LYAR: variants seen among roughly 807,000 people sequenced by gnomAD.
LYAR encodes the protein cell growth-regulating nucleolar protein.
A neutral mutation model predicts 45.2 loss-of-function variants in LYAR; 37 were observed. That is an observed-to-expected ratio of 0.82 (90% CI 0.63 to 1.08). The LOEUF is 1.08. Among genes scored for constraint, LYAR ranks in the 50% least tolerant of loss-of-function variants. The pLI, the probability that LYAR is intolerant of heterozygous loss-of-function variation, is 0.00. For synonymous variants in LYAR, 176 were observed against 155.1 expected (o/e 1.14, Z -1.00); for missense variants, 493 against 451.0 (o/e 1.09, Z -0.84).
chr4:4,286,234 A>G (rs1719606066), intron 2 of LYAR, among the ~76,000 whole-genome samples: 1 of 152,204 alleles, frequency 6.6e-6, no homozygotes, highest in African/African-American at 2.4e-5. Context: ...AGGACAGTCC[A>G]GCACCTTGAT....
At chr4:4,289,235 C>G (rs1368871048) in intron 1 of LYAR, among the ~76,000 whole-genome samples, 1 of 152,174 alleles carries the variant, frequency 6.6e-6, no homozygotes, top group Non-Finnish European at 1.5e-5. Flanking sequence ...GAAGCCATTT[C>G]TCTCTGCCTC....
chr4:4,276,672 C>G (rs1181059276), intron 6 of LYAR, among the ~76,000 whole-genome samples: 1 of 151,960 alleles, frequency 6.6e-6, no homozygotes, highest in Non-Finnish European at 1.5e-5. Context: ...GCCTGGCCAA[C>G]ATGGTGAAAC....
Position 4,277,961 on chromosome 4 carries a change from C to T in LYAR, c.429+1486G>A, listed in dbSNP as rs144559302. Among the ~76,000 whole-genome samples, 1,157 of 152,308 alleles carry T rather than the reference C, an allele frequency of 7.6e-3. 3 individuals are homozygous for T. Among genetic ancestry groups the T allele is most frequent in the African/African-American group, 9.7e-3 (403 of 41,560 alleles). ...AGGTAAGGGATGACAAGCTGCGTTTCGCAGAGCTCAGGGTTTACCAGGGGC... is the reference window on the plus strand; with the variant it reads ...AGGTAAGGGATGACAAGCTGCGTTTTGCAGAGCTCAGGGTTTACCAGGGGC... On this transcript the variant is annotated intron_variant, in intron 6 of 9. Transcript: ENST00000343470.
chr4:4,280,606 CG>C lies in LYAR; in HGVS notation c.238-858del, dbSNP rs370537163. 3.7e-3 allele frequency among the ~76,000 whole-genome samples: 568 copies of C among 152,274 alleles called. 2 individuals are homozygous for C. Among genetic ancestry groups the C allele is most frequent in the African/African-American group, 0.013 (536 of 41,542 alleles). ...TCATCGAGTGTGACAGCAGCAGAGA[CG>C]GAACTCACAGACCCATGCACCTCAA... On this transcript the variant is annotated intron_variant, in intron 4 of 9. Coordinates refer to ENST00000343470, the MANE Select transcript of LYAR (RefSeq NM_017816.3).
intron 6 of LYAR, among the ~76,000 whole-genome samples, chr4:4,277,859 G>A (rs1333451313): frequency 1.3e-5 from 2 of 152,190 alleles, no homozygotes; most frequent in South Asian, 2.1e-4. Flanking sequence ...ACCAAGGTAC[G>A]GAGGACAAGG....
chr4:4,275,340 G>A (rs1292486657), intron 6 of LYAR, among the ~76,000 whole-genome samples: 3 of 152,008 alleles, frequency 2.0e-5, no homozygotes, highest in African/African-American at 7.3e-5. Flanking sequence ...TGTGTGAAGA[G>A]TTTTGTAAAT....
chr4:4,281,460 C>A (rs111854022), intron 4 of LYAR, among the ~76,000 whole-genome samples: 6 of 150,428 alleles, frequency 4.0e-5, no homozygotes, highest in Non-Finnish European at 8.9e-5. Flanking sequence ...GCTGGGATTA[C>A]AGGCACCCGC....
At chr4:4,284,235 T>C (rs1031325122) in intron 2 of LYAR, among the ~76,000 whole-genome samples, 1 of 151,756 alleles carries the variant, frequency 6.6e-6, no homozygotes, top group Non-Finnish European at 1.5e-5. Flanking sequence ...TACCTTAAAC[T>C]CTCTCTCTGT....
chr4:4,283,576 T>A (rs1302049983), intron 3 of LYAR, 45 bp downstream of exon 3: 1 of 1,572,370 alleles, frequency 6.4e-7, no homozygotes, highest in South Asian at 1.1e-5. Context: ...CTTCCAAAAC[T>A]GATCTGGATT....
At chr4:4,270,054 A>G (rs966337906) in intron 8 of LYAR, among the ~76,000 whole-genome samples, 1 of 152,090 alleles carries the variant, frequency 6.6e-6, no homozygotes, top group African/African-American at 2.4e-5. Context: ...CCTCCGTCAC[A>G]AAATTTTAAA....
chr4:4,275,306 C>G (rs1040291914), intron 6 of LYAR, among the ~76,000 whole-genome samples: 2 of 152,232 alleles, frequency 1.3e-5, no homozygotes, highest in Non-Finnish European at 2.9e-5. Flanking sequence ...TAGCATAACA[C>G]ATGCCCAATA....
At position 4,274,612 on chromosome 4, in the gene LYAR, T is replaced by C. The variant is rs993101397; in HGVS notation, c.587A>G (p.Gln196Arg). The change falls in exon 7 of 10, where the codon CAG (glutamine) becomes CGG (arginine). Residue 196 changes from glutamine to arginine, a missense_variant. By Grantham distance (43) the Gln-to-Arg change is conservative. Transcript: ENST00000343470. ...TTTCTTTTCTCTTTTCCTTTTCTTC[T>C]GCCGTTCTTCCTTTCTTTCTCTTTT... ...KNKRERKEER[Q>R]KKRKREKKEL... 1.5e-5 allele frequency: 24 copies of C among 1,614,106 alleles called. No homozygotes were observed. The highest frequency in any genetic ancestry group is 3.3e-5 in the Admixed American group (2 of 60,010).
Position 4,282,506 on chromosome 4 carries a change from G to A in LYAR, c.123-609C>T, listed in dbSNP as rs370530991. On this transcript the variant is annotated intron_variant, in intron 3 of 9. Coordinates refer to ENST00000343470, the MANE Select transcript of LYAR (RefSeq NM_017816.3). Reference sequence around the variant, plus strand: ...ATATCAAGCTTCCTCCTAGGATTACGTCTGAACAGAGGTTAGCAGTTTCCA... The same window carrying A: ...ATATCAAGCTTCCTCCTAGGATTACATCTGAACAGAGGTTAGCAGTTTCCA... Among the ~76,000 whole-genome samples, 16 of 152,230 alleles carry A rather than the reference G, an allele frequency of 1.1e-4. No individual in the cohort carries two copies. The East Asian group carries it at 1.2e-3, about 11-fold the overall frequency.
intron 8 of LYAR, among the ~76,000 whole-genome samples, chr4:4,272,660 T>C (rs937331312): frequency 3.3e-5 from 5 of 152,236 alleles, no homozygotes; most frequent in African/African-American, 1.2e-4. Context: ...GATCTCGCCA[T>C]GCTGCTCAGA....
At chr4:4,273,245 C>T (rs1560231112) in intron 8 of LYAR, among the ~76,000 whole-genome samples, 3 of 152,228 alleles carry the variant, frequency 2.0e-5, no homozygotes, top group Admixed American at 1.3e-4. Context: ...GTGAGAGGCA[C>T]TGTAAGACTG....
chr4:4,279,489 A>C lies in LYAR; in HGVS notation c.387T>G (p.Ile129Met). 1 of 1,613,420 alleles carries C rather than the reference A, an allele frequency of 6.2e-7. No homozygotes were observed. Residue 129 changes from isoleucine (I) to methionine (M), a missense_variant, in exon 6 of 10, where the codon ATT (isoleucine) becomes ATG (methionine). By Grantham distance (10) the Ile-to-Met change is conservative. Transcript: ENST00000343470. The part of the protein sequence containing the change: ...KNSLKVHNES[I>M]LDQVWNIFSE... ...AAAAGATATTCCACACCTGGTCCAG[A>C]ATGGATTCATTATGAACTTTTAAAC...
At position 4,279,761 on chromosome 4, in the gene LYAR, G is replaced by A. The variant is rs375843441; in HGVS notation, c.238-12C>T. 4 of 1,505,898 alleles carry A rather than the reference G, an allele frequency of 2.7e-6. No individual in the cohort carries two copies. Among genetic ancestry groups the A allele is most frequent in the Admixed American group, 1.9e-5 (1 of 52,698 alleles). The allele number at this position is 1,505,898 out of a possible 1,614,324, so 93.3% of individuals were successfully genotyped here. A position where few individuals can be genotyped will look rare whatever the true frequency, so the allele number is the denominator to read the frequency against. On this transcript the variant is annotated splice_polypyrimidine_tract_variant and intron_variant, in intron 4 of 9. Coordinates refer to ENST00000343470, the MANE Select transcript of LYAR (RefSeq NM_017816.3). ...AATTCACTAATTTTCTACAAAAAGG[G>A]AAGAAAAAAGAAAAACTATTAATAA... is the stretch of plus-strand genomic sequence containing the variant.
At chr4:4,279,600 T>A in intron 5 of LYAR, 42 bp downstream of exon 5, 1 of 1,566,382 alleles carries the variant, frequency 6.4e-7, no homozygotes, top group African/African-American at 1.4e-5. Flanking sequence ...CAGTCACTGA[T>A]GGGCCACACG....
At chr4:4,279,122 C>T (rs1317450030) in intron 6 of LYAR, among the ~76,000 whole-genome samples, 1 of 151,472 alleles carries the variant, frequency 6.6e-6, no homozygotes, top group African/African-American at 2.4e-5. Flanking sequence ...GTCAGGAATT[C>T]GAGACCAGCC....
Sources: gnomAD v4.1 joint callset for allele counts (sites outside exome capture counted in the v4.1 genomes callset) on GRCh38, gnomAD v4.1.1 for gene constraint, MANE v1.5 for transcripts, NCBI Gene and HGNC (gene_info 2026-07-23, HGNC 2026-07-21) for gene names.